The following RAB33A variants were observed in gnomAD, a reference collection of about 807,000 sequenced individuals.
RAB33A encodes the protein ras-related protein Rab-33A.
In RAB33A, 6 loss-of-function variants were observed where a neutral mutation model predicts 12.0. That is an observed-to-expected ratio of 0.50 (90% CI 0.27 to 0.99). RAB33A has a LOEUF of 0.99. Ranked by LOEUF, RAB33A falls within the 50% of genes least tolerant of loss-of-function variation. The pLI is 0.11. For synonymous variants in RAB33A, 70 were observed against 82.4 expected (o/e 0.85, Z 0.81); for missense variants, 109 against 192.0 (o/e 0.57, Z 2.55).
chrX:130,113,748 AATT>A, the RAB33A span, among the ~76,000 whole-genome samples: 4 of 111,534 alleles, frequency 3.6e-5, no homozygotes, highest in East Asian at 1.1e-3. Context: ...ATGTGCAATA[AATT>A]ATTGTTGACT....
chrX:130,147,873 G>A, the RAB33A span: 1 of 1,211,473 alleles, frequency 8.3e-7, no homozygotes. Context: ...CTCTCCTTCT[G>A]AAGCTGAAAG....
intron 1 of RAB33A, among the ~76,000 whole-genome samples, chrX:130,182,067 C>A (rs1380939788): frequency 6.5e-4 from 65 of 99,854 alleles, no homozygotes; most frequent in African/African-American, 2.1e-3. Flanking sequence ...CATTTTGAGG[C>A]CGAGGCAGGA....
the RAB33A span, among the ~76,000 whole-genome samples, chrX:130,128,586 T>G: frequency 2.7e-5 from 3 of 112,064 alleles, no homozygotes; most frequent in African/African-American, 9.7e-5. Context: ...ATAATAATAA[T>G]AAGATTTGAT....
At chrX:130,184,168 C>T in intron 1 of RAB33A, 117 bp from the exon 2 acceptor site, 2 of 671,388 alleles carry the variant, frequency 3.0e-6, no homozygotes, top group South Asian at 2.9e-5. Flanking sequence ...GGATTATAGG[C>T]GTGAGCCACC....
chrX:130,137,617 G>T, the RAB33A span: 1 of 1,129,150 alleles, frequency 8.9e-7, no homozygotes, highest in Non-Finnish European at 1.2e-6. Flanking sequence ...TGTGCCCAAA[G>T]AAGTTTTTGG....
chrX:130,154,706 T>C, the RAB33A span, among the ~76,000 whole-genome samples: 5 of 112,370 alleles, frequency 4.4e-5, no homozygotes, highest in Non-Finnish European at 7.5e-5. Flanking sequence ...TGCCTTTTCA[T>C]AGTCAAAGTC....
At chrX:130,141,220 C>T in the RAB33A span, among the ~76,000 whole-genome samples, 1 of 112,100 alleles carries the variant, frequency 8.9e-6, no homozygotes, top group Non-Finnish European at 1.9e-5. Flanking sequence ...AGTTCTTGAC[C>T]TAAAGCGATC....
At chrX:130,182,392 A>C (rs987307801) in intron 1 of RAB33A, among the ~76,000 whole-genome samples, 2 of 109,649 alleles carry the variant, frequency 1.8e-5, no homozygotes, top group African/African-American at 6.6e-5. Flanking sequence ...TGATGTGTAC[A>C]CTTCCAGTCT....
At chrX:130,117,031 G>A in the RAB33A span, among the ~76,000 whole-genome samples, 157 of 111,831 alleles carry the variant, frequency 1.4e-3, no homozygotes, top group African/African-American at 4.7e-3. Flanking sequence ...GGCTAACATG[G>A]TGAAACCCTG....
chrX:130,127,054 T>C, the RAB33A span, among the ~76,000 whole-genome samples: 1 of 111,606 alleles, frequency 9.0e-6, no homozygotes, highest in Non-Finnish European at 1.9e-5. Flanking sequence ...TGTGTGTGTG[T>C]GTGTGTGTGT....
chrX:130,169,752 A>G (rs1297124110), upstream of RAB33A, among the ~76,000 whole-genome samples: 1 of 112,364 alleles, frequency 8.9e-6, no homozygotes, highest in East Asian at 2.8e-4. Flanking sequence ...TTACATTGAA[A>G]TAATCTTATT....
At chrX:130,138,203 C>G in the RAB33A span, among the ~76,000 whole-genome samples, 6 of 111,665 alleles carry the variant, frequency 5.4e-5, no homozygotes, top group East Asian at 1.7e-3. Flanking sequence ...TGGTGGCTCA[C>G]GCCTGTAATC....
chrX:130,173,157 C>G (rs760102108), intron 1 of RAB33A, among the ~76,000 whole-genome samples: 1 of 112,296 alleles, frequency 8.9e-6, no homozygotes, highest in South Asian at 3.7e-4. Context: ...ATATTCTTGT[C>G]TGACCATTTG....
At chrX:130,174,928 A>G (rs1188586613) in intron 1 of RAB33A, among the ~76,000 whole-genome samples, 2 of 110,623 alleles carry the variant, frequency 1.8e-5, no homozygotes, top group African/African-American at 6.6e-5. Flanking sequence ...CACCCCATCA[A>G]AGCATTTACA....
At chrX:130,174,439 G>A (rs936328215) in intron 1 of RAB33A, among the ~76,000 whole-genome samples, 2 of 112,068 alleles carry the variant, frequency 1.8e-5, no homozygotes, top group African/African-American at 6.5e-5. Flanking sequence ...ATGCTGGCAG[G>A]CGAGAGACCA....
In RAB33A at chrX:130,172,029, AG is replaced by A. The variant is rs2031614130; in HGVS notation, c.-28del. 1.7e-6 allele frequency: 2 copies of A among 1,181,208 alleles called. No homozygotes were observed. The highest frequency in any genetic ancestry group is 1.9e-5 in the South Asian group (1 of 53,851). ...ACGTTCTCTTTGTGTGGAGCCCTCA[AG>A]GGGGGTTGGGGCCCCGGTTCGGTCC... On this transcript the variant is annotated 5_prime_UTR_variant, in exon 1 of 2. Transcript: ENST00000257017.
At chrX:130,121,252 C>T in the RAB33A span, among the ~76,000 whole-genome samples, 4 of 94,756 alleles carry the variant, frequency 4.2e-5, no homozygotes, top group African/African-American at 8.0e-5. Context: ...CTTTTCTTTT[C>T]TTTTTTTTTT....
At chrX:130,138,885 C>T in the RAB33A span, among the ~76,000 whole-genome samples, 1 of 111,936 alleles carries the variant, frequency 8.9e-6, no homozygotes, top group Non-Finnish European at 1.9e-5. Context: ...CTTCTATAAA[C>T]AGTGGTTCTC....
At chrX:130,147,530 T>C in the RAB33A span, 3 of 1,212,090 alleles carry the variant, frequency 2.5e-6, no homozygotes, top group Non-Finnish European at 3.3e-6. Context: ...AATCGCAGTG[T>C]CTTTGTGACA....
Sources: allele counts gnomAD v4.1 joint callset (sites outside exome capture counted in the v4.1 genomes callset), GRCh38; gene constraint gnomAD v4.1.1; transcripts MANE v1.5; gene names NCBI Gene and HGNC (gene_info 2026-07-23, HGNC 2026-07-21).